LRRC8D: variants seen among roughly 807,000 people sequenced by gnomAD.
LRRC8D encodes the protein volume-regulated anion channel subunit LRRC8D.
LRRC8D carries 20 observed loss-of-function variants against 55.8 expected under a neutral mutation model. The observed-to-expected ratio is 0.36, with a 90% confidence interval of 0.25 to 0.52. The LOEUF (loss-of-function observed/expected upper bound fraction) is 0.52. Ranked by LOEUF, LRRC8D falls within the 20% of genes least tolerant of loss-of-function variation. The probability of loss-of-function intolerance (pLI) is 0.93; values close to 1 mark genes in which losing one functional copy is unlikely to be tolerated. For missense variants in LRRC8D, 651 were observed against 1,030.8 expected, an observed-to-expected ratio of 0.63 and a Z score of 5.05; for synonymous variants, 352 against 377.0, an observed-to-expected ratio of 0.93 and a Z score of 0.77.
chr1:89,853,919 T>C (rs191970299), intron 2 of LRRC8D, among the ~76,000 whole-genome samples: 2 of 152,186 alleles, frequency 1.3e-5, no homozygotes, highest in Admixed American at 6.5e-5. Flanking sequence ...CGAGGAGTTG[T>C]GTGTATGTGT....
intron 2 of LRRC8D, among the ~76,000 whole-genome samples, chr1:89,896,458 T>C (rs1297864212): frequency 3.4e-4 from 51 of 152,120 alleles, no homozygotes; most frequent in Non-Finnish European, 1.5e-5. Flanking sequence ...CCAGCACACT[T>C]TACACACTGG....
At chr1:89,925,044 G>C (rs1663522545) in intron 2 of LRRC8D, among the ~76,000 whole-genome samples, 1 of 152,182 alleles carries the variant, frequency 6.6e-6, no homozygotes, top group African/African-American at 2.4e-5. Context: ...TAGGAACCGG[G>C]TCGCACAGCA....
intron 2 of LRRC8D, among the ~76,000 whole-genome samples, chr1:89,880,453 T>G (rs1402850763): frequency 6.8e-6 from 1 of 148,130 alleles, no homozygotes; most frequent in Non-Finnish European, 1.5e-5. Flanking sequence ...AGACCTAGGT[T>G]TGATTTTTTT....
chr1:89,878,967 C>CAAAAAAAAAAA (rs5776028), intron 2 of LRRC8D, among the ~76,000 whole-genome samples: 1 of 90,866 alleles, frequency 1.1e-5, no homozygotes, highest in Admixed American at 1.3e-4. Context: ...AAATCCGTCT[C>CAAAAAAAAAAA]AAAAAAAAAA....
rs72965681 is a variant in LRRC8D at position 89,868,487 on chromosome 1, C to T, written c.-3+24705C>T. On this transcript the variant is annotated intron_variant, in intron 2 of 2. Transcript: ENST00000337338. ...AAAGGTATATGTGAATTCCATGACA[C>T]GAATGAGGTTTATTTATGTAAATAT... 5.6e-3 allele frequency among the ~76,000 whole-genome samples: 856 copies of T among 152,252 alleles called. 6 individuals are homozygous for T. The highest frequency in any genetic ancestry group is 0.02 in the African/African-American group (816 of 41,556).
intron 1 of LRRC8D, among the ~76,000 whole-genome samples, chr1:89,834,547 A>AT (rs1660961064): frequency 6.6e-6 from 1 of 152,250 alleles, no homozygotes; most frequent in African/African-American, 2.4e-5. Flanking sequence ...CTCATCCACA[A>AT]TATGAAAGAT....
Position 89,887,038 on chromosome 1 carries a change from C to A in LRRC8D, c.-3+43256C>A, listed in dbSNP as rs138309568. On this transcript the variant is annotated intron_variant, in intron 2 of 2. Transcript: ENST00000337338. ...GTGATTTGTTATTTAAATTTTATTT[C>A]TTAGAAGAAAAAAATGGGAGAAAAG... is the stretch of plus-strand genomic sequence containing the variant. Among the ~76,000 whole-genome samples the A allele has an allele frequency of 3.5e-4, 53 of 151,870 alleles. No homozygotes were observed. In the East Asian group the frequency reaches 6.4e-3, roughly 18 times the overall value.
chr1:89,835,582 G>A (rs1660985734), intron 1 of LRRC8D, among the ~76,000 whole-genome samples: 1 of 152,150 alleles, frequency 6.6e-6, no homozygotes, highest in South Asian at 2.1e-4. Context: ...ATTGTGGGCT[G>A]TACCTGTCTT....
intron 2 of LRRC8D, among the ~76,000 whole-genome samples, chr1:89,909,113 A>T (rs531973920): frequency 6.6e-6 from 1 of 152,154 alleles, no homozygotes; most frequent in East Asian, 1.9e-4. Flanking sequence ...TTTTTCAACA[A>T]CAATAACAAC....
chr1:89,879,582 T>C (rs1053777247), intron 2 of LRRC8D, among the ~76,000 whole-genome samples: 20 of 152,236 alleles, frequency 1.3e-4, no homozygotes, highest in African/African-American at 4.8e-4. Flanking sequence ...ACCTTATGTA[T>C]GATATTGTGT....
intron 1 of LRRC8D, among the ~76,000 whole-genome samples, chr1:89,834,951 AT>A (rs1660970772): frequency 1.3e-5 from 2 of 152,232 alleles, no homozygotes; most frequent in African/African-American, 4.8e-5. Context: ...CTGCTGAGGA[AT>A]TTAGACTTCA....
chr1:89,896,063 A>G (rs1380698647), intron 2 of LRRC8D, among the ~76,000 whole-genome samples: 1 of 152,280 alleles, frequency 6.6e-6, no homozygotes, highest in East Asian at 1.9e-4. Context: ...TAGACAAGAA[A>G]TGATACATGA....
chr1:89,901,671 C>T (rs1373772062), intron 2 of LRRC8D, among the ~76,000 whole-genome samples: 1 of 152,104 alleles, frequency 6.6e-6, no homozygotes, highest in Non-Finnish European at 1.5e-5. Context: ...GTTTGGGGCA[C>T]CAGAAAAGCA....
intron 2 of LRRC8D, among the ~76,000 whole-genome samples, chr1:89,923,500 A>G (rs1570893725): frequency 6.6e-6 from 1 of 152,294 alleles, no homozygotes; most frequent in South Asian, 2.1e-4. Flanking sequence ...TATGATGGCC[A>G]TACTTCCCAA....
chr1:89,845,450 A>G (rs1210505236), intron 2 of LRRC8D, among the ~76,000 whole-genome samples: 1 of 152,140 alleles, frequency 6.6e-6, no homozygotes, highest in Admixed American at 6.5e-5. Context: ...GATTCTTTTT[A>G]TTTTGAGACG....
chr1:89,874,553 T>C (rs1366333923), intron 2 of LRRC8D, among the ~76,000 whole-genome samples: 1 of 151,882 alleles, frequency 6.6e-6, no homozygotes, highest in Non-Finnish European at 1.5e-5. Flanking sequence ...TCAGTGACTT[T>C]ATCACCTAAA....
At chr1:89,863,382 G>A (rs1661767918) in intron 2 of LRRC8D, among the ~76,000 whole-genome samples, 1 of 152,184 alleles carries the variant, frequency 6.6e-6, no homozygotes, top group African/African-American at 2.4e-5. Context: ...GTACACAAGT[G>A]GGTAATGGGC....
At chr1:89,925,072 G>A (rs1663523040) in intron 2 of LRRC8D, among the ~76,000 whole-genome samples, 1 of 152,200 alleles carries the variant, frequency 6.6e-6, no homozygotes, top group Admixed American at 6.5e-5. Flanking sequence ...AGCAGTGGGA[G>A]AGTGAGCAAA....
At chr1:89,822,606 G>A (rs1660667164) in intron 1 of LRRC8D, among the ~76,000 whole-genome samples, 1 of 152,164 alleles carries the variant, frequency 6.6e-6, no homozygotes, top group Non-Finnish European at 1.5e-5. Context: ...AGTCTGGACA[G>A]GCAGGGAATC....
Sources: allele counts gnomAD v4.1 joint callset (sites outside exome capture counted in the v4.1 genomes callset), GRCh38; gene constraint gnomAD v4.1.1; transcripts MANE v1.5; gene names NCBI Gene and HGNC (gene_info 2026-07-23, HGNC 2026-07-21).